Variants in ITGBL1 observed in about 807,000 individuals in gnomAD.
ITGBL1 encodes integrin beta-like protein 1.
In ITGBL1, 51 loss-of-function variants were observed where a neutral mutation model predicts 68.5. The observed-to-expected ratio is 0.74, with a 90% CI of 0.59 to 0.94. ITGBL1 has a LOEUF of 0.94. Among genes scored for constraint, ITGBL1 ranks in the 40% least tolerant of loss-of-function variants. The pLI is 0.00. For missense variants in ITGBL1, 649 were observed against 647.4 expected, an observed-to-expected ratio of 1.00 and a Z score of -0.03; for synonymous variants, 209 against 227.3, an observed-to-expected ratio of 0.92 and a Z score of 0.72.
downstream of ITGBL1, chr13:101,720,530 C>CTGTGTGTGTGTGTG (rs56200654): frequency 1.4e-4 from 21 of 147,572 alleles, no homozygotes; most frequent in African/African-American, 5.0e-4. Flanking sequence ...GGTGTTTGCT[C>CTGTGTGTGTGTGTG]TGTGTGTGTG....
chr13:101,694,881 T>C (rs1367523019), intron 8 of ITGBL1, among the ~76,000 whole-genome samples: 12 of 152,220 alleles, frequency 7.9e-5, no homozygotes, highest in Admixed American at 7.2e-4. Flanking sequence ...AAGATTTTCA[T>C]ATGGGAATTC....
At chr13:101,586,351 G>A (rs540631130) in intron 6 of ITGBL1, among the ~76,000 whole-genome samples, 8 of 152,226 alleles carry the variant, frequency 5.3e-5, no homozygotes, top group African/African-American at 7.2e-5. Context: ...TTTATGATTC[G>A]CTGGTTGAAG....
chr13:101,513,308 A>G (rs531170673), intron 2 of ITGBL1, among the ~76,000 whole-genome samples: 1 of 152,228 alleles, frequency 6.6e-6, no homozygotes, highest in South Asian at 2.1e-4. Context: ...TATACTGTGA[A>G]GGTGATATTG....
At chr13:101,463,830 T>C (rs1385453710) in intron 2 of ITGBL1, among the ~76,000 whole-genome samples, 3 of 151,826 alleles carry the variant, frequency 2.0e-5, no homozygotes, top group Admixed American at 1.3e-4. Flanking sequence ...CTGAATGTTG[T>C]GGAGACATTG....
chr13:101,703,217 C>A (rs1199718924), intron 8 of ITGBL1, among the ~76,000 whole-genome samples: 1 of 151,676 alleles, frequency 6.6e-6, no homozygotes, highest in African/African-American at 2.4e-5. Flanking sequence ...AGAGGAGAGA[C>A]AATGAGTCTC....
intron 7 of ITGBL1, among the ~76,000 whole-genome samples, chr13:101,648,357 GA>G (rs770100126): frequency 6.6e-6 from 1 of 152,192 alleles, no homozygotes; most frequent in Non-Finnish European, 1.5e-5. Flanking sequence ...ATCAGTAAAA[GA>G]ATGCAGTAAC....
At chr13:101,666,720 C>G (rs148617812) in intron 7 of ITGBL1, among the ~76,000 whole-genome samples, 6 of 152,230 alleles carry the variant, frequency 3.9e-5, no homozygotes, top group Admixed American at 3.9e-4. Context: ...GCATTTTAAA[C>G]AGTGGATGTG....
At chr13:101,712,954 G>A (rs1338418152) in intron 9 of ITGBL1, 1 of 152,134 alleles carries the variant, frequency 6.6e-6, no homozygotes, top group Non-Finnish European at 1.5e-5. Flanking sequence ...TATTAAAACT[G>A]AGAAGACGTG....
intron 7 of ITGBL1, among the ~76,000 whole-genome samples, chr13:101,638,370 A>C (rs1006725720): frequency 1.3e-5 from 2 of 152,170 alleles, no homozygotes; most frequent in Non-Finnish European, 2.9e-5. Flanking sequence ...TTTGAGTATT[A>C]AATGAGCTAG....
intron 2 of ITGBL1, among the ~76,000 whole-genome samples, chr13:101,466,804 G>T (rs2048387907): frequency 1.3e-5 from 2 of 152,156 alleles, no homozygotes; most frequent in Admixed American, 1.3e-4. Flanking sequence ...GTATGGTTTT[G>T]AATTACTGTC....
rs150816779 is a variant in ITGBL1 at position 101,470,471 on chromosome 13, C to T, written c.316+16371C>T. On this transcript the variant is annotated intron_variant, in intron 2 of 10. Coordinates refer to ENST00000376180, the MANE Select transcript of ITGBL1 (RefSeq NM_004791.3). ...ATGCATTACTATTTTATAAAGTAGA[C>T]GTGGTGTTTGTCTTTAATTCCCCAA... Among the ~76,000 whole-genome samples, 379 of 152,034 alleles carry T rather than the reference C, an allele frequency of 2.5e-3. 1 individual carries two copies. Among genetic ancestry groups the T allele is most frequent in the African/African-American group, 8.1e-3 (337 of 41,482 alleles).
At chr13:101,463,591 G>A (rs149493791) in intron 2 of ITGBL1, among the ~76,000 whole-genome samples, 242 of 152,062 alleles carry the variant, frequency 1.6e-3, no homozygotes, top group African/African-American at 5.5e-3. Context: ...ACCTTTAGAC[G>A]TCTGCAGACT....
intron 9 of ITGBL1, among the ~76,000 whole-genome samples, chr13:101,710,111 G>A (rs1031619768): frequency 6.6e-6 from 1 of 152,182 alleles, no homozygotes; most frequent in African/African-American, 2.4e-5. Context: ...GGGAGGTGGC[G>A]ATATATTCAG....
intron 2 of ITGBL1, among the ~76,000 whole-genome samples, chr13:101,542,800 C>T (rs917475231): frequency 4.6e-5 from 7 of 152,194 alleles, no homozygotes; most frequent in Admixed American, 3.3e-4. Flanking sequence ...GATCCCTTTA[C>T]TATTGTGTAA....
intron 2 of ITGBL1, among the ~76,000 whole-genome samples, chr13:101,535,683 AAAC>A (rs1339616229): frequency 6.6e-6 from 1 of 152,158 alleles, no homozygotes; most frequent in Non-Finnish European, 1.5e-5. Context: ...TAATCTTCAC[AAAC>A]AACAACAATG....
chr13:101,467,774 A>C (rs1407866149), intron 2 of ITGBL1, among the ~76,000 whole-genome samples: 1 of 152,204 alleles, frequency 6.6e-6, no homozygotes, highest in African/African-American at 2.4e-5. Context: ...TTGTTTGTAC[A>C]TAGTCACTAG....
intron 8 of ITGBL1, chr13:101,692,918 C>T (rs1039502641): frequency 2.4e-5 from 11 of 466,136 alleles, no homozygotes; most frequent in Non-Finnish European, 3.8e-5. Flanking sequence ...ACGCAGTACA[C>T]TATCAATAAA....
At chr13:101,671,441 T>TTTTG (rs1555365714) in intron 7 of ITGBL1, among the ~76,000 whole-genome samples, 1 of 91,796 alleles carries the variant, frequency 1.1e-5, no homozygotes, top group East Asian at 4.8e-4. Context: ...TTTTTTGTTT[T>TTTTG]TTTTTGTTTT....
chr13:101,608,076 G>A (rs1051614228), intron 7 of ITGBL1, among the ~76,000 whole-genome samples: 7 of 152,056 alleles, frequency 4.6e-5, no homozygotes, highest in Non-Finnish European at 7.4e-5. Flanking sequence ...ATAAGGGAAG[G>A]TGTGAAATGG....
Sources: gnomAD v4.1 joint callset for allele counts (sites outside exome capture counted in the v4.1 genomes callset) on GRCh38, gnomAD v4.1.1 for gene constraint, MANE v1.5 for transcripts, NCBI Gene and HGNC (gene_info 2026-07-23, HGNC 2026-07-21) for gene names.